Variants in SLC20A2 observed in about 807,000 individuals in gnomAD.
The protein encoded by SLC20A2 is solute carrier family 20 member 2.
SLC20A2 carries 30 observed loss-of-function variants against 61.0 expected under a neutral mutation model. The ratio of observed to expected loss-of-function variants is 0.49; its 90% CI spans 0.37 to 0.67. The LOEUF is 0.67. Among genes scored for constraint, SLC20A2 ranks in the 30% least tolerant of loss-of-function variants. SLC20A2 has a pLI of 0.00. For missense variants in SLC20A2, 626 were observed against 866.4 expected (o/e 0.72, Z 3.48); for synonymous variants, 351 against 353.3 (o/e 0.99, Z 0.07).
intron 5 of SLC20A2, among the ~76,000 whole-genome samples, chr8:42,455,286 A>G (rs929003347): frequency 7.2e-6 from 1 of 138,714 alleles, no homozygotes; most frequent in Non-Finnish European, 1.6e-5. Flanking sequence ...AGAGAGAGAG[A>G]GAGAGAGCGT....
At chr8:42,467,299 A>T (rs996853521) in intron 2 of SLC20A2, among the ~76,000 whole-genome samples, 2 of 152,298 alleles carry the variant, frequency 1.3e-5, no homozygotes, top group African/African-American at 4.8e-5. Context: ...CAATTTCACC[A>T]ACTCTTTTCT....
chr8:42,495,469 T>G (rs1809855214), intron 1 of SLC20A2, among the ~76,000 whole-genome samples: 1 of 152,184 alleles, frequency 6.6e-6, no homozygotes, highest in Non-Finnish European at 1.5e-5. Flanking sequence ...CTTATCTCTG[T>G]ACAGACACCA....
chr8:42,502,828 CA>C (rs1343996639), upstream of SLC20A2, among the ~76,000 whole-genome samples: 1 of 152,206 alleles, frequency 6.6e-6, no homozygotes, highest in Non-Finnish European at 1.5e-5. Context: ...AAACTCACTC[CA>C]GAAGTCTTAA....
At chr8:42,474,527 T>G (rs896754334) in intron 1 of SLC20A2, among the ~76,000 whole-genome samples, 3 of 152,180 alleles carry the variant, frequency 2.0e-5, no homozygotes, top group Non-Finnish European at 4.4e-5. Flanking sequence ...AAGAGTATTT[T>G]ATTAATATGA....
chr8:42,506,495 AGTATG>A (rs1226656372), intron 1 of SLC20A2, among the ~76,000 whole-genome samples: 1 of 152,248 alleles, frequency 6.6e-6, no homozygotes, highest in Admixed American at 6.5e-5. Flanking sequence ...GTCTAGCAGC[AGTATG>A]GTACTTGCTG....
At chr8:42,447,970 T>A (rs1805358791) in intron 5 of SLC20A2, among the ~76,000 whole-genome samples, 1 of 152,224 alleles carries the variant, frequency 6.6e-6, no homozygotes. Flanking sequence ...GAGCCGCTTG[T>A]GCGACCCCTT....
chr8:42,467,378 A>G (rs1450994020), intron 2 of SLC20A2, among the ~76,000 whole-genome samples: 3 of 152,208 alleles, frequency 2.0e-5, no homozygotes, highest in Admixed American at 2.0e-4. Flanking sequence ...TTTTGTAGTG[A>G]GTATTAAAAG....
chr8:42,447,353 A>AAAAAAAAATTAACATACTAT (rs1563467692), intron 5 of SLC20A2, among the ~76,000 whole-genome samples: 15 of 151,782 alleles, frequency 9.9e-5, no homozygotes, highest in South Asian at 8.3e-4. Context: ...CTCAAAAAAA[A>AAAAAAAAATTAACATACTAT]AAAAAAAATT....
At chr8:42,512,525 AT>A (rs778088379) in intron 1 of SLC20A2, among the ~76,000 whole-genome samples, 22 of 151,852 alleles carry the variant, frequency 1.4e-4, no homozygotes, top group Non-Finnish European at 2.5e-4. Context: ...TAATATTTGT[AT>A]TTTTAGTACA....
rs760291428 is a variant in SLC20A2 at position 42,437,103 on chromosome 8, G to A, written c.1409C>T (p.Pro470Leu). 6.2e-7 allele frequency: 1 copy of A among 1,613,938 alleles called. No individual in the cohort carries two copies. The highest frequency in any genetic ancestry group is 1.3e-5 in the African/African-American group (1 of 74,944). ...CTTCTCCTCCTTCTCCTCCTCTGCA[G>A]GGTCCTCTCGCGGCTGGTCAGGGTC... ...LADPDQPRED[P>L]AEEEKEEKDA... Residue 470 changes from proline (P) to leucine (L), a missense_variant, in exon 8 of 11, where the codon CCT (proline) becomes CTT (leucine). Physicochemically the swap from Pro to Leu is moderately conservative, Grantham distance 98 (BLOSUM62 -3). This residue lies in a region of SLC20A2 where 361 missense variants were observed against 422.3 expected (regional missense o/e 0.85). Coordinates refer to ENST00000520262, the MANE Select transcript of SLC20A2 (RefSeq NM_001257180.2). The surrounding 1 kb of genome is among the most constrained non-coding windows in gnomAD (Gnocchi z 6.4).
chr8:42,447,513 T>TA (rs531113912), intron 5 of SLC20A2, among the ~76,000 whole-genome samples: 1 of 150,648 alleles, frequency 6.6e-6, no homozygotes, highest in Non-Finnish European at 1.5e-5. Context: ...CCGTCTCTAC[T>TA]AAAAATACAA....
intron 1 of SLC20A2, among the ~76,000 whole-genome samples, chr8:42,477,755 G>T (rs947379521): frequency 2.6e-5 from 4 of 151,982 alleles, no homozygotes; most frequent in African/African-American, 9.7e-5. Flanking sequence ...ACAGGCATGA[G>T]CCACTGCACC....
chr8:42,421,947 G>T (rs1803075340), intron 10 of SLC20A2, among the ~76,000 whole-genome samples: 1 of 151,962 alleles, frequency 6.6e-6, no homozygotes, highest in Admixed American at 6.5e-5. Flanking sequence ...CGAGGACCTT[G>T]CCCTGCACAG....
At chr8:42,446,624 A>C (rs1805233905) in intron 5 of SLC20A2, among the ~76,000 whole-genome samples, 1 of 152,230 alleles carries the variant, frequency 6.6e-6, no homozygotes. Context: ...TATGATATAC[A>C]CATGGCATGA....
intron 8 of SLC20A2, among the ~76,000 whole-genome samples, chr8:42,431,656 A>G (rs1803878438): frequency 6.6e-6 from 1 of 152,232 alleles, no homozygotes; most frequent in Non-Finnish European, 1.5e-5. Context: ...AGAGAAGGCA[A>G]TGCCTGGCTT....
At chr8:42,431,501 A>C (rs1803867657) in intron 8 of SLC20A2, among the ~76,000 whole-genome samples, 1 of 152,262 alleles carries the variant, frequency 6.6e-6, no homozygotes, top group African/African-American at 2.4e-5. Flanking sequence ...GTGAAGTAGC[A>C]AGTGCTGATG....
intron 6 of SLC20A2, among the ~76,000 whole-genome samples, chr8:42,440,721 A>G (rs1053332023): frequency 2.0e-5 from 3 of 152,242 alleles, no homozygotes; most frequent in Non-Finnish European, 4.4e-5. Context: ...CATTCCCATC[A>G]GCAACGTACG....
chr8:42,505,847 C>T (rs997274374), upstream of SLC20A2, among the ~76,000 whole-genome samples: 9 of 150,098 alleles, frequency 6.0e-5, no homozygotes, highest in Non-Finnish European at 1.0e-4. Flanking sequence ...GCTGAGATCA[C>T]GCCACCACTC....
chr8:42,467,449 G>C (rs534685911), intron 2 of SLC20A2, among the ~76,000 whole-genome samples: 31 of 152,216 alleles, frequency 2.0e-4, no homozygotes, highest in Non-Finnish European at 4.1e-4. Flanking sequence ...GGAACTGTAG[G>C]GGAACAAAGG....
Sources: gnomAD v4.1 joint callset for allele counts (sites outside exome capture counted in the v4.1 genomes callset) on GRCh38, gnomAD v4.1.1 for gene constraint, gnomAD v4.1.1 regional missense constraint, Gnocchi (gnomAD v3.1) non-coding constraint, MANE v1.5 for transcripts, NCBI Gene and HGNC (gene_info 2026-07-23, HGNC 2026-07-21) for gene names.